Variants in ANO6 observed in about 807,000 individuals in gnomAD.
ANO6 encodes the protein anoctamin 6.
Under a neutral mutation model 117.5 loss-of-function variants are expected in ANO6, and 106 were observed. The observed-to-expected ratio is 0.90, with a 90% CI of 0.77 to 1.06. The LOEUF (loss-of-function observed/expected upper bound fraction) is 1.06. ANO6 is among the 50% of genes least tolerant of loss of function. The pLI, the probability that ANO6 is intolerant of heterozygous loss-of-function variation, is 0.00. For synonymous variants in ANO6, 367 were observed against 385.1 expected (o/e 0.95, Z 0.55); for missense variants, 955 against 1,121.1 (o/e 0.85, Z 2.12).
chr12:45,247,393 T>A (rs182385748), intron 1 of ANO6, among the ~76,000 whole-genome samples: 1 of 152,322 alleles, frequency 6.6e-6, no homozygotes, highest in Admixed American at 6.5e-5. Context: ...TGCTATGAGG[T>A]AGGTGCTGTT....
chr12:45,250,761 T>TAA lies in ANO6; in HGVS notation c.70+34390_70+34391dup, dbSNP rs1237444756. On this transcript the variant is annotated intron_variant, in intron 1 of 19. Coordinates refer to ENST00000320560, the MANE Select transcript of ANO6 (RefSeq NM_001025356.3). ...CCTTTATGGACATGCTCTGGTTACT[T>TAA]AAAAAAAAAAAAAAAAAAAAAGAGA... Among the ~76,000 whole-genome samples, 243 of 116,536 alleles carry TAA rather than the reference T, an allele frequency of 2.1e-3. 1 individual carries two copies. The highest frequency in any genetic ancestry group is 7.0e-3 in the African/African-American group (218 of 31,124). The allele number at this position is 116,536 out of a possible 152,430, so 76.5% of individuals were successfully genotyped here. A position where few individuals can be genotyped will look rare whatever the true frequency, so the allele number is the denominator to read the frequency against.
At chr12:45,356,494 A>G (rs1340162505) in intron 7 of ANO6, among the ~76,000 whole-genome samples, 2 of 152,214 alleles carry the variant, frequency 1.3e-5, no homozygotes, top group Non-Finnish European at 2.9e-5. Flanking sequence ...TGAACAATCA[A>G]TTAACAAATA....
chr12:45,405,442 C>T (rs1942906469), intron 15 of ANO6, among the ~76,000 whole-genome samples: 1 of 152,146 alleles, frequency 6.6e-6, no homozygotes, highest in Admixed American at 6.5e-5. Flanking sequence ...TTCAAGTAAG[C>T]TCATTGTTGA....
intron 1 of ANO6, among the ~76,000 whole-genome samples, chr12:45,285,866 A>G (rs747031465): frequency 6.6e-6 from 1 of 152,230 alleles, no homozygotes; most frequent in East Asian, 1.9e-4. Context: ...GCACAGGGCC[A>G]GGTGCTTCTT....
At chr12:45,390,369 T>C in intron 11 of ANO6, 52 bp from the exon 12 acceptor site, 1 of 1,389,576 alleles carries the variant, frequency 7.2e-7, no homozygotes, top group Non-Finnish European at 1.0e-6. Flanking sequence ...AGAAAAATAA[T>C]TTTATTACAG....
chr12:45,281,488 C>T (rs1483120260), intron 1 of ANO6, among the ~76,000 whole-genome samples: 3 of 152,130 alleles, frequency 2.0e-5, no homozygotes, highest in Admixed American at 6.6e-5. Flanking sequence ...ACAATCATGG[C>T]GGAAGGCGAA....
chr12:45,413,162 C>T (rs1449773277), intron 16 of ANO6, among the ~76,000 whole-genome samples: 1 of 152,088 alleles, frequency 6.6e-6, no homozygotes, highest in Non-Finnish European at 1.5e-5. Context: ...AGATCAATCA[C>T]GCAGCAGAAT....
intron 2 of ANO6, among the ~76,000 whole-genome samples, chr12:45,329,043 G>A (rs968999612): frequency 6.6e-6 from 1 of 152,058 alleles, no homozygotes; most frequent in South Asian, 2.1e-4. Flanking sequence ...TAGGCTATTT[G>A]GGAATTCCCA....
intron 1 of ANO6, among the ~76,000 whole-genome samples, chr12:45,265,298 A>G (rs1422025333): frequency 2.0e-5 from 3 of 152,200 alleles, no homozygotes; most frequent in Admixed American, 2.0e-4. Flanking sequence ...TGGAGAACTA[A>G]GGAATAAATA....
intron 15 of ANO6, 32 bp downstream of exon 15, chr12:45,403,568 A>G: frequency 6.4e-7 from 1 of 1,559,842 alleles, no homozygotes; most frequent in South Asian, 1.1e-5. Context: ...CATGGGTAAA[A>G]GGACAAGGGA....
At chr12:45,377,613 T>TA (rs1219188061) in intron 9 of ANO6, among the ~76,000 whole-genome samples, 2 of 152,214 alleles carry the variant, frequency 1.3e-5, no homozygotes, top group East Asian at 3.9e-4. Flanking sequence ...TTCTGAAACT[T>TA]ACCCTCTGAC....
At chr12:45,374,001 T>TA (rs1267392006) in intron 9 of ANO6, among the ~76,000 whole-genome samples, 1 of 151,536 alleles carries the variant, frequency 6.6e-6, no homozygotes, top group Admixed American at 6.6e-5. Flanking sequence ...AGAGACGCAA[T>TA]AAAAAATGAT....
chr12:45,297,484 C>CT (rs1939333431), intron 1 of ANO6, among the ~76,000 whole-genome samples: 1 of 152,128 alleles, frequency 6.6e-6, no homozygotes, highest in African/African-American at 2.4e-5. Flanking sequence ...TAGATTTTCT[C>CT]TTTATTTTAC....
At chr12:45,355,669 A>G (rs1246415777) in intron 7 of ANO6, among the ~76,000 whole-genome samples, 1 of 152,132 alleles carries the variant, frequency 6.6e-6, no homozygotes, top group South Asian at 2.1e-4. Flanking sequence ...GTCACGTGAA[A>G]ATCAGCCCAC....
intron 2 of ANO6, among the ~76,000 whole-genome samples, chr12:45,308,048 A>ATTTTTTTTTTTTTTTTT (rs1218638312): frequency 1.4e-5 from 1 of 69,296 alleles, no homozygotes; most frequent in Non-Finnish European, 2.6e-5. Context: ...TGTGTGTGTA[A>ATTTTTTTTTTTTTTTTT]TTTTTTTTTT....
chr12:45,368,538 G>A (rs1027917766), intron 9 of ANO6, among the ~76,000 whole-genome samples: 7 of 152,186 alleles, frequency 4.6e-5, no homozygotes, highest in Non-Finnish European at 7.3e-5. Context: ...GCAGATGGTC[G>A]TGAGCTTTAT....
rs1344311588 is a variant in ANO6, at chr12:45,397,011, AAG to A, written c.1387-4781_1387-4780del. Among the ~76,000 whole-genome samples the A allele has an allele frequency of 2.6e-5, 4 of 152,346 alleles. No homozygotes were observed. In the South Asian group the frequency reaches 8.3e-4, roughly 32 times the overall value. ...AGACAAATGGGATCTAATTAAACTA[AAG>A]AGCTTCTGCACAGCAAAAGAAACTA... On this transcript the variant is annotated intron_variant, in intron 12 of 19. Coordinates refer to ENST00000320560, the MANE Select transcript of ANO6 (RefSeq NM_001025356.3).
chr12:45,357,473 T>C, intron 8 of ANO6, 49 bp downstream of exon 8: 1 of 1,607,494 alleles, frequency 6.2e-7, no homozygotes, highest in Non-Finnish European at 8.5e-7. Flanking sequence ...TTATTAGACA[T>C]AAAATTATTT....
At chr12:45,380,884 T>G (rs762035635) in intron 10 of ANO6, among the ~76,000 whole-genome samples, 1 of 152,076 alleles carries the variant, frequency 6.6e-6, no homozygotes, top group African/African-American at 2.4e-5. Flanking sequence ...CAAGAATTGC[T>G]TGAATCCAGG....
Sources: gnomAD v4.1 joint callset for allele counts (sites outside exome capture counted in the v4.1 genomes callset) on GRCh38, gnomAD v4.1.1 for gene constraint, MANE v1.5 for transcripts, NCBI Gene and HGNC (gene_info 2026-07-23, HGNC 2026-07-21) for gene names.